Variants in PDE1C observed in about 807,000 individuals in gnomAD.
PDE1C encodes dual specificity calcium/calmodulin-dependent 3',5'-cyclic nucleotide phosphodiesterase 1C.
Under a neutral mutation model 93.1 loss-of-function variants are expected in PDE1C, and 62 were observed. The ratio of observed to expected loss-of-function variants is 0.67; its 90% confidence interval spans 0.54 to 0.82. The LOEUF (loss-of-function observed/expected upper bound fraction) is 0.82. Among genes scored for constraint, PDE1C ranks in the 40% least tolerant of loss-of-function variants. The pLI is 0.00. For synonymous variants in PDE1C, 325 were observed against 310.1 expected, an observed-to-expected ratio of 1.05 and a Z score of -0.50; for missense variants, 742 against 884.6, an observed-to-expected ratio of 0.84 and a Z score of 2.04.
chr7:31,826,351 T>C (rs1789665615), intron 12 of PDE1C, among the ~76,000 whole-genome samples: 7 of 152,210 alleles, frequency 4.6e-5, no homozygotes, highest in Admixed American at 4.6e-4. Context: ...AGTATCGTGA[T>C]TGATAAGGAA....
intron 1 of PDE1C, among the ~76,000 whole-genome samples, chr7:32,406,062 T>C (rs1785045225): frequency 6.6e-6 from 1 of 152,170 alleles, no homozygotes; most frequent in South Asian, 2.1e-4. Flanking sequence ...TTACAAGTTA[T>C]TAGTATCTTC....
intron 3 of PDE1C, among the ~76,000 whole-genome samples, chr7:32,110,382 G>C (rs746929254): frequency 6.6e-6 from 1 of 152,134 alleles, no homozygotes; most frequent in Non-Finnish European, 1.5e-5. Flanking sequence ...CATGAGATTA[G>C]CACAGGAAAG....
chr7:31,873,998 G>T (rs1219800115), intron 5 of PDE1C, among the ~76,000 whole-genome samples: 1 of 152,194 alleles, frequency 6.6e-6, no homozygotes, highest in Non-Finnish European at 1.5e-5. Context: ...TCAGAAACAT[G>T]CATGATGTAG....
chr7:31,865,311 A>C (rs1248545393), intron 6 of PDE1C, among the ~76,000 whole-genome samples: 1 of 152,180 alleles, frequency 6.6e-6, no homozygotes, highest in Non-Finnish European at 1.5e-5. Context: ...TTTGTTGCTC[A>C]TTTTAGAATC....
intron 2 of PDE1C, among the ~76,000 whole-genome samples, chr7:32,016,061 G>A (rs182202966): frequency 2.0e-5 from 3 of 152,252 alleles, no homozygotes; most frequent in Non-Finnish European, 4.4e-5. Context: ...CCTTTCTCTA[G>A]GAATTTCTGC....
chr7:32,049,320 C>T (rs1158787955), intron 2 of PDE1C, among the ~76,000 whole-genome samples: 1 of 152,188 alleles, frequency 6.6e-6, no homozygotes, highest in Non-Finnish European at 1.5e-5. Context: ...ATGACTCGTG[C>T]ACTCTATGCT....
chr7:32,182,633 A>G (rs537047519), intron 2 of PDE1C, among the ~76,000 whole-genome samples: 31 of 152,332 alleles, frequency 2.0e-4, no homozygotes, highest in African/African-American at 6.7e-4. Context: ...TAAATTAGGT[A>G]TTGATGGGAC....
intron 3 of PDE1C, among the ~76,000 whole-genome samples, chr7:32,115,919 A>G (rs535850863): frequency 6.6e-6 from 1 of 152,294 alleles, no homozygotes; most frequent in African/African-American, 2.4e-5. Context: ...CTTGTCAGCA[A>G]TCCATCACAC....
chr7:32,335,518 T>G (rs988330432), intron 1 of PDE1C, among the ~76,000 whole-genome samples: 2 of 152,192 alleles, frequency 1.3e-5, no homozygotes, highest in African/African-American at 2.4e-5. Context: ...ATGATCAAAG[T>G]GTCAACAAAG....
At chr7:31,642,388 T>C in the PDE1C span, 18 of 704,172 alleles carry the variant, frequency 2.6e-5, no homozygotes, top group African/African-American at 5.4e-5. Context: ...CAAGCCACAA[T>C]TGGAAAGGTT....
intron 1 of PDE1C, among the ~76,000 whole-genome samples, chr7:32,413,417 T>C (rs550149084): frequency 6.6e-6 from 1 of 152,326 alleles, no homozygotes; most frequent in Non-Finnish European, 1.5e-5. Flanking sequence ...TCCTAGCACA[T>C]CCTACCACAC....
chr7:32,169,969 G>A (rs376037563), intron 2 of PDE1C: 3 of 1,606,390 alleles, frequency 1.9e-6, no homozygotes, highest in Non-Finnish European at 2.6e-6. Context: ...GAGGCATGGG[G>A]AAAAGAGAGA....
intron 2 of PDE1C, among the ~76,000 whole-genome samples, chr7:32,041,552 C>T (rs546682850): frequency 7.2e-5 from 11 of 152,174 alleles, no homozygotes; most frequent in East Asian, 1.9e-4. Flanking sequence ...AAGGCAGTAT[C>T]GTATTAAATC....
chr7:31,632,815 GA>G, the PDE1C span, among the ~76,000 whole-genome samples: 3 of 152,150 alleles, frequency 2.0e-5, no homozygotes, highest in African/African-American at 7.2e-5. Flanking sequence ...CAAACAGCCT[GA>G]AAAGCCTGCC....
At chr7:32,273,027 C>G (rs1407495995) in intron 1 of PDE1C, among the ~76,000 whole-genome samples, 2 of 152,306 alleles carry the variant, frequency 1.3e-5, no homozygotes, top group East Asian at 1.9e-4. Context: ...CTCTATAGCA[C>G]TGGCTTTGAA....
chr7:32,367,521 C>T (rs1382214744), intron 1 of PDE1C, among the ~76,000 whole-genome samples: 1 of 152,132 alleles, frequency 6.6e-6, no homozygotes, highest in African/African-American at 2.4e-5. Context: ...AGAAACTCAC[C>T]TCACCTGTAA....
At chr7:32,256,675 T>A (rs143114308) in intron 1 of PDE1C, among the ~76,000 whole-genome samples, 2 of 152,308 alleles carry the variant, frequency 1.3e-5, no homozygotes, top group African/African-American at 4.8e-5. Flanking sequence ...CATGGAGTAG[T>A]GGGAGAATTA....
At chr7:32,322,443 G>T (rs1170661105) in intron 1 of PDE1C, among the ~76,000 whole-genome samples, 1 of 151,896 alleles carries the variant, frequency 6.6e-6, no homozygotes, top group South Asian at 2.1e-4. Context: ...CTCTACACAC[G>T]TAAAAAAGAA....
rs763335262 is a variant in PDE1C at position 31,753,380 on chromosome 7, C to T, written c.*4G>A. On this transcript the variant is annotated 3_prime_UTR_variant, in exon 18 of 18. Coordinates refer to ENST00000396191, the MANE Select transcript of PDE1C (RefSeq NM_001191057.4). ...CCTTCACTCCCTCTCTTCTTCCCCT[C>T]GGCCTATTTTCTGTTCCAGTTATGT... is the stretch of plus-strand genomic sequence containing the variant. 81 of 1,610,202 alleles carry T rather than the reference C, an allele frequency of 5.0e-5. No homozygotes were observed. The highest frequency in any genetic ancestry group is 3.6e-4 in the South Asian group (33 of 90,532).
Sources: allele counts gnomAD v4.1 joint callset (sites outside exome capture counted in the v4.1 genomes callset), GRCh38; gene constraint gnomAD v4.1.1; transcripts MANE v1.5; gene names NCBI Gene and HGNC (gene_info 2026-07-23, HGNC 2026-07-21).